Variants in PLEKHM2 observed in about 807,000 individuals in gnomAD.
PLEKHM2 encodes pleckstrin homology domain-containing family M member 2.
A neutral mutation model predicts 116.3 loss-of-function variants in PLEKHM2; 77 were observed. The ratio of observed to expected loss-of-function variants is 0.66; its 90% CI spans 0.55 to 0.80. The LOEUF is 0.80. Among genes scored for constraint, PLEKHM2 ranks in the 30% least tolerant of loss-of-function variants. The pLI, the probability that PLEKHM2 is intolerant of heterozygous loss-of-function variation, is 0.00. For missense variants in PLEKHM2, 1,183 were observed against 1,354.9 expected (o/e 0.87, Z 1.99); for synonymous variants, 562 against 571.0 (o/e 0.98, Z 0.22).
intron 1 of PLEKHM2, among the ~76,000 whole-genome samples, chr1:15,711,806 A>C (rs1034155146): frequency 6.6e-6 from 1 of 152,026 alleles, no homozygotes; most frequent in Non-Finnish European, 1.5e-5. Flanking sequence ...ATAACAACAC[A>C]TTAGGTTAAA....
At chr1:15,683,545 C>G (rs1177073621), upstream of PLEKHM2, among the ~76,000 whole-genome samples, 1 of 141,686 alleles carries the variant, frequency 7.1e-6, no homozygotes, top group Non-Finnish European at 1.5e-5. Flanking sequence ...GTCGGAGTCT[C>G]CAGAGTCCTT....
chr1:15,720,382 A>T, intron 6 of PLEKHM2: 2 of 985,214 alleles, frequency 2.0e-6, no homozygotes, highest in Non-Finnish European at 2.4e-6. Context: ...AAACCTTGCC[A>T]CTGTGTCCTG....
chr1:15,717,635 G>A (rs1346029586), intron 3 of PLEKHM2, among the ~76,000 whole-genome samples: 1 of 152,208 alleles, frequency 6.6e-6, no homozygotes, highest in Non-Finnish European at 1.5e-5. Flanking sequence ...TACAGGATCA[G>A]TGCAGAGTCC....
intron 1 of PLEKHM2, among the ~76,000 whole-genome samples, chr1:15,687,683 T>TA (rs1640801567): frequency 2.0e-5 from 3 of 152,242 alleles, no homozygotes; most frequent in Admixed American, 2.0e-4. Flanking sequence ...CATCATAAAT[T>TA]ACATTTGGTT....
intron 19 of PLEKHM2, among the ~76,000 whole-genome samples, chr1:15,733,311 C>T (rs111997843): frequency 1.8e-4 from 27 of 152,380 alleles, no homozygotes; most frequent in East Asian, 9.6e-4. Context: ...TCAAACAGCA[C>T]GAATTGTGGT....
At chr1:15,710,000 A>G (rs983856659) in intron 1 of PLEKHM2, among the ~76,000 whole-genome samples, 2 of 152,034 alleles carry the variant, frequency 1.3e-5, no homozygotes, top group African/African-American at 2.4e-5. Context: ...CGAGATGGGC[A>G]GATCACGAGG....
intron 2 of PLEKHM2, 25 bp downstream of exon 2, chr1:15,716,368 A>G: frequency 7.0e-7 from 1 of 1,438,680 alleles, no homozygotes; most frequent in South Asian, 1.2e-5. Flanking sequence ...GTTTCCAAAG[A>G]TGACGGAGCA....
chr1:15,726,204 T>G (rs115574601), intron 8 of PLEKHM2, among the ~76,000 whole-genome samples: 1 of 152,236 alleles, frequency 6.6e-6, no homozygotes, highest in African/African-American at 2.4e-5. Flanking sequence ...TCTTGGAAGT[T>G]AAGATACAAT....
In PLEKHM2 at chr1:15,719,987, G is replaced by T. The variant is rs2067968230; in HGVS notation, c.652+67G>T. 1 of 1,300,396 alleles carries T rather than the reference G, an allele frequency of 7.7e-7. No individual in the cohort carries two copies. Among genetic ancestry groups the T allele is most frequent in the Admixed American group, 2.3e-5 (1 of 42,782 alleles). 80.6% of individuals were successfully genotyped at this position (1,300,396 alleles called of 1,614,324 possible). A position where few individuals can be genotyped will look rare whatever the true frequency, so the allele number is the denominator to read the frequency against. Reference sequence around the variant, plus strand: ...AACAGACTTGAACTGCTTAAGCCTGGCTGGGTGATGTCTTCCTTGGCTAGT... The same window carrying T: ...AACAGACTTGAACTGCTTAAGCCTGTCTGGGTGATGTCTTCCTTGGCTAGT... On this transcript the variant is annotated intron_variant, in intron 6 of 19. Coordinates refer to ENST00000375799, the MANE Select transcript of PLEKHM2 (RefSeq NM_015164.4). The surrounding 1 kb of genome is among the most constrained non-coding windows in gnomAD (Gnocchi z 4.1).
chr1:15,725,335 C>CG lies in PLEKHM2; in HGVS notation c.733dup (p.Val245GlyfsTer40). ...CTCCCAGATGGAGACCTCACAGACACGGTCAGTGGTCCCCGCTCCACAGCC... is the reference window on the plus strand; with the variant it reads ...CTCCCAGATGGAGACCTCACAGACACGGGTCAGTGGTCCCCGCTCCACAGCC... On this transcript the variant is annotated frameshift_variant, in exon 8 of 20. Transcript: ENST00000375799. LOFTEE classifies it high-confidence loss of function. 6.4e-7 allele frequency: 1 copy of CG among 1,550,844 alleles called. No individual in the cohort carries two copies. The highest frequency in any genetic ancestry group is 8.7e-7 in the Non-Finnish European group (1 of 1,146,586).
chr1:15,717,649 C>A (rs1275694746), intron 3 of PLEKHM2, among the ~76,000 whole-genome samples: 1 of 152,118 alleles, frequency 6.6e-6, no homozygotes. Flanking sequence ...AGAGTCCTGG[C>A]GTTTCTTGAC....
In PLEKHM2 at chr1:15,716,638, G is replaced by A. The variant is rs1225978464; in HGVS notation, c.168-69G>A. The A allele has an allele frequency of 4.6e-6, 7 of 1,515,952 alleles. No homozygotes were observed. The East Asian group carries it at 1.7e-4, about 37-fold the overall frequency. 93.9% of individuals were successfully genotyped at this position (1,515,952 alleles called of 1,614,324 possible). On this transcript the variant is annotated intron_variant, in intron 2 of 19. Transcript: ENST00000375799. ...ACTTCCTGCCTTGCGCTCACTGCTG[G>A]ACCAGCCGACTGCAGCTTCCCAGGG...
intron 1 of PLEKHM2, among the ~76,000 whole-genome samples, chr1:15,700,303 G>A (rs1253368734): frequency 6.6e-6 from 1 of 152,098 alleles, no homozygotes; most frequent in Admixed American, 6.5e-5. Flanking sequence ...GAGCACTTCT[G>A]GGGTGGTGGC....
At chr1:15,731,747 C>G in intron 16 of PLEKHM2, 142 bp from the exon 17 acceptor site, 2 of 674,168 alleles carry the variant, frequency 3.0e-6, no homozygotes, top group Admixed American at 2.9e-5. Context: ...GCTGGAGGGG[C>G]CTGGAGAACC....
chr1:15,716,539 G>A (rs1641450090), intron 2 of PLEKHM2, among the ~76,000 whole-genome samples, 168 bp from the exon 3 acceptor site: 1 of 152,188 alleles, frequency 6.6e-6, no homozygotes, highest in Non-Finnish European at 1.5e-5. Context: ...AAATGATGGA[G>A]GGAGGATTTG....
chr1:15,699,891 G>A (rs1187947159), intron 1 of PLEKHM2, among the ~76,000 whole-genome samples: 1 of 151,784 alleles, frequency 6.6e-6, no homozygotes, highest in Non-Finnish European at 1.5e-5. Flanking sequence ...GAGGTGGAAG[G>A]ATTGCTTGAG....
Position 15,698,541 on chromosome 1 carries a change from C to CT in PLEKHM2, c.60+13926dup, listed in dbSNP as rs1249746368. ...TGTTTTTCTTTCTTTTTCTTTCTTT[C>CT]TTTCTTTCTTTTTTTTTTTTTTTTT... is the stretch of plus-strand genomic sequence containing the variant. On this transcript the variant is annotated intron_variant, in intron 1 of 19. Transcript: ENST00000375799. Among the ~76,000 whole-genome samples the CT allele has an allele frequency of 2.8e-3, 388 of 138,920 alleles. 4 individuals carry two copies. Among genetic ancestry groups the CT allele is most frequent in the African/African-American group, 0.011 (371 of 34,276 alleles). The allele number at this position is 138,920 out of a possible 152,430, so 91.1% of individuals were successfully genotyped here.
chr1:15,719,949 G>T lies in PLEKHM2; in HGVS notation c.652+29G>T. On this transcript the variant is annotated intron_variant, in intron 6 of 19. Coordinates refer to ENST00000375799, the MANE Select transcript of PLEKHM2 (RefSeq NM_015164.4). The surrounding 1 kb of genome is among the most constrained non-coding windows in gnomAD (Gnocchi z 4.1). ...AGTGGCCCCAGGGCAGAAAAGCTAA[G>T]CCCCTGTTGTGAAACAGACTTGAAC... The T allele has an allele frequency of 6.3e-7, 1 of 1,582,074 alleles. No homozygotes were observed.
rs571147456 is a variant in PLEKHM2 at position 15,730,589 on chromosome 1, G to A, written c.2266G>A (p.Glu756Lys). ...TGTGCACTGGGAGGACCCCACAGAC[G>A]AGTCCCTGGGCCCCACGCCCTGCCA... ...GLVHWEDPTD[E>K]SLGPTPCHCS... The change falls in exon 15 of 20, where the codon GAG (glutamate) becomes AAG (lysine). Residue 756 changes from glutamate (E) to lysine (K), a missense_variant. Physicochemically the swap from Glu to Lys is moderately conservative, Grantham distance 56. Around this residue, in one of 3 missense-constraint regions of PLEKHM2, gnomAD observed 594 missense variants for 720.1 expected, o/e 0.82. Coordinates refer to ENST00000375799, the MANE Select transcript of PLEKHM2 (RefSeq NM_015164.4). The A allele has an allele frequency of 6.9e-6, 11 of 1,605,768 alleles. No homozygotes were observed. The African/African-American group carries it at 9.3e-5, about 14-fold the overall frequency.
Sources: gnomAD v4.1 joint callset for allele counts (sites outside exome capture counted in the v4.1 genomes callset) on GRCh38, gnomAD v4.1.1 for gene constraint, gnomAD v4.1.1 regional missense constraint, Gnocchi (gnomAD v3.1) non-coding constraint, MANE v1.5 for transcripts, NCBI Gene and HGNC (gene_info 2026-07-23, HGNC 2026-07-21) for gene names.